Variants in RNF2 observed in about 807,000 individuals in gnomAD.
RNF2 encodes the protein E3 ubiquitin-protein ligase RING2.
A neutral mutation model predicts 37.2 loss-of-function variants in RNF2; 6 were observed. The ratio of observed to expected loss-of-function variants is 0.16; its 90% CI spans 0.09 to 0.32. The LOEUF is 0.32. Among genes scored for constraint, RNF2 ranks in the 10% least tolerant of loss-of-function variants. The probability of loss-of-function intolerance (pLI) is 1.00; values close to 1 mark genes in which losing one functional copy is unlikely to be tolerated. For missense variants in RNF2, 251 were observed against 404.0 expected (o/e 0.62, Z 3.25); for synonymous variants, 133 against 132.7 (o/e 1.00, Z -0.02).
intron 1 of RNF2, among the ~76,000 whole-genome samples, chr1:185,069,060 G>A (rs1650887014): frequency 6.6e-6 from 1 of 152,138 alleles, no homozygotes; most frequent in South Asian, 2.1e-4. Flanking sequence ...ACTCTGGTAA[G>A]AGTACAATTT....
chr1:185,056,781 AT>A (rs1239336797), intron 1 of RNF2, among the ~76,000 whole-genome samples: 2 of 152,172 alleles, frequency 1.3e-5, no homozygotes, highest in African/African-American at 4.8e-5. Flanking sequence ...AAATTCATAA[AT>A]TATTACTTAA....
intron 1 of RNF2, among the ~76,000 whole-genome samples, chr1:185,064,905 ATTGTT>A (rs1407560797): frequency 1.3e-5 from 2 of 151,592 alleles, no homozygotes; most frequent in African/African-American, 2.4e-5. Flanking sequence ...AATGAAACTG[ATTGTT>A]TTGTTTTTTT....
At chr1:185,046,569 T>G (rs1650129310) in intron 1 of RNF2, among the ~76,000 whole-genome samples, 1 of 152,210 alleles carries the variant, frequency 6.6e-6, no homozygotes, top group African/African-American at 2.4e-5. Flanking sequence ...TTGAAGCCCC[T>G]TTGGGTATCT....
At chr1:185,090,508 G>GA (rs1271902894) in intron 2 of RNF2, among the ~76,000 whole-genome samples, 1 of 152,130 alleles carries the variant, frequency 6.6e-6, no homozygotes, top group African/African-American at 2.4e-5. Context: ...TAGAGAGGCT[G>GA]AAATCTAACA....
intron 1 of RNF2, among the ~76,000 whole-genome samples, chr1:185,085,659 CT>C (rs565165523): frequency 7.9e-4 from 114 of 144,340 alleles, no homozygotes; most frequent in East Asian, 8.1e-4. Flanking sequence ...CTGTTTAAAA[CT>C]TTTTTTTTTT....
At chr1:185,094,643 G>A (rs944196882) in intron 4 of RNF2, among the ~76,000 whole-genome samples, 1 of 152,166 alleles carries the variant, frequency 6.6e-6, no homozygotes, top group Non-Finnish European at 1.5e-5. Context: ...AGCAGCCAGA[G>A]ATACTGTTAA....
chr1:185,091,898 C>T (rs1471157220), intron 3 of RNF2, 159 bp downstream of exon 3: 1 of 584,704 alleles, frequency 1.7e-6, no homozygotes, highest in Non-Finnish European at 2.9e-6. Context: ...TCACTGCAAC[C>T]TCTGCCTCCT....
chr1:185,077,625 G>GGTTTTTTTTTTTTTTTTTT (rs1553241127), intron 1 of RNF2, among the ~76,000 whole-genome samples: 4 of 115,696 alleles, frequency 3.5e-5, no homozygotes, highest in African/African-American at 1.3e-4. Flanking sequence ...AATTAACTTT[G>GGTTTTTTTTTTTTTTTTTT]TTTTTTTTTT....
chr1:185,053,075 T>C (rs1234179840), intron 1 of RNF2, among the ~76,000 whole-genome samples: 1 of 152,162 alleles, frequency 6.6e-6, no homozygotes, highest in Non-Finnish European at 1.5e-5. Context: ...GGAAATGACA[T>C]AGTCCACATT....
chr1:185,080,095 G>A (rs1269978357), intron 1 of RNF2, among the ~76,000 whole-genome samples: 2 of 152,134 alleles, frequency 1.3e-5, no homozygotes, highest in African/African-American at 4.8e-5. Flanking sequence ...AGATCATTTT[G>A]TGTGGCACCT....
At chr1:185,069,329 T>C (rs1226206323) in intron 1 of RNF2, among the ~76,000 whole-genome samples, 1 of 151,944 alleles carries the variant, frequency 6.6e-6, no homozygotes, top group Non-Finnish European at 1.5e-5. Flanking sequence ...TGGTGGTTCA[T>C]GCCTGTAGTC....
intron 1 of RNF2, among the ~76,000 whole-genome samples, chr1:185,046,616 T>G (rs984556903): frequency 7.9e-5 from 12 of 152,224 alleles, no homozygotes; most frequent in Non-Finnish European, 2.9e-5. Flanking sequence ...GAATGTAACT[T>G]TACATTGTAA....
At chr1:185,091,117 A>G (rs1651754200) in intron 2 of RNF2, among the ~76,000 whole-genome samples, 1 of 152,216 alleles carries the variant, frequency 6.6e-6, no homozygotes, top group African/African-American at 2.4e-5. Context: ...GCAGCATGAA[A>G]CATAATTTAT....
intron 1 of RNF2, among the ~76,000 whole-genome samples, chr1:185,080,560 A>G (rs760187494): frequency 3.9e-5 from 6 of 152,194 alleles, no homozygotes; most frequent in Non-Finnish European, 8.8e-5. Flanking sequence ...CTGCTGTACT[A>G]TCTGGTAAGG....
chr1:185,098,588 C>T (rs1357443324), intron 5 of RNF2, among the ~76,000 whole-genome samples: 1 of 152,126 alleles, frequency 6.6e-6, no homozygotes, highest in African/African-American at 2.4e-5. Flanking sequence ...TCAAATTTCT[C>T]AGCAATGATA....
chr1:185,091,476 T>TAC, intron 2 of RNF2, 103 bp from the exon 3 acceptor site: 1 of 1,145,526 alleles, frequency 8.7e-7, no homozygotes, highest in Non-Finnish European at 1.3e-6. Flanking sequence ...GGGTGATGGG[T>TAC]ACATATATGT....
chr1:185,073,269 G>A (rs1371714068), intron 1 of RNF2, among the ~76,000 whole-genome samples: 1 of 151,962 alleles, frequency 6.6e-6, no homozygotes. Context: ...GTGAGAATTT[G>A]TGCTGGGTAA....
intron 1 of RNF2, among the ~76,000 whole-genome samples, chr1:185,058,671 T>A (rs890343788): frequency 1.3e-5 from 2 of 152,260 alleles, no homozygotes; most frequent in Non-Finnish European, 2.9e-5. Context: ...TTTATTGTGT[T>A]ATGGTTTTCT....
chr1:185,050,855 T>A (rs1412298161), intron 1 of RNF2, among the ~76,000 whole-genome samples: 1 of 152,264 alleles, frequency 6.6e-6, no homozygotes, highest in Non-Finnish European at 1.5e-5. Flanking sequence ...TCTCTCCTAC[T>A]TCTTAGTATT....
Sources: allele counts gnomAD v4.1 joint callset (sites outside exome capture counted in the v4.1 genomes callset), GRCh38; gene constraint gnomAD v4.1.1; transcripts MANE v1.5; gene names NCBI Gene and HGNC (gene_info 2026-07-23, HGNC 2026-07-21).